Variants in ZNF578 observed in about 807,000 individuals in gnomAD.
ZNF578 encodes Putative chemokine-related protein B42.
ZNF578 carries 8 observed loss-of-function variants against 8.3 expected under a neutral mutation model. The ratio of observed to expected loss-of-function variants is 0.96; its 90% CI spans 0.56 to 1.74. The LOEUF (loss-of-function observed/expected upper bound fraction) is 1.74. Among genes scored for constraint, ZNF578 ranks in the 40% most tolerant of loss-of-function variants. The pLI, the probability that ZNF578 is intolerant of heterozygous loss-of-function variation, is 0.00. For synonymous variants in ZNF578, 206 were observed against 232.2 expected, an observed-to-expected ratio of 0.89 and a Z score of 1.03; for missense variants, 726 against 707.5, an observed-to-expected ratio of 1.03 and a Z score of -0.30.
At chr19:52,468,584 G>A (rs2059282524) in intron 2 of ZNF578, among the ~76,000 whole-genome samples, 1 of 152,202 alleles carries the variant, frequency 6.6e-6, no homozygotes, top group Non-Finnish European at 1.5e-5. Context: ...CAACTTGAGT[G>A]AGTTGAAGGA....
At chr19:52,458,600 C>T (rs2059247014) in intron 2 of ZNF578, 1 of 151,256 alleles carries the variant, frequency 6.6e-6, no homozygotes, top group African/African-American at 2.4e-5. Context: ...ATGCTTTGCT[C>T]AATTTTCTTT....
intron 2 of ZNF578, chr19:52,474,061 A>G (rs982483798): frequency 2.2e-5 from 9 of 410,654 alleles, no homozygotes; most frequent in African/African-American, 1.6e-4. Flanking sequence ...CACATTCATT[A>G]CATTTGTAAG....
At chr19:52,461,235 G>T (rs760813361) in intron 2 of ZNF578, among the ~76,000 whole-genome samples, 6 of 152,114 alleles carry the variant, frequency 3.9e-5, no homozygotes, top group Non-Finnish European at 8.8e-5. Flanking sequence ...ATGTTCAGTA[G>T]CATTATGTGA....
At position 52,510,674 on chromosome 19, in the gene ZNF578, C is replaced by A; in HGVS notation, c.293C>A (p.Thr98Asn). The change falls in exon 6 of 6, where the codon ACT (threonine) becomes AAT (asparagine). Residue 98 changes from threonine (T) to asparagine (N), a missense_variant. Thr to Asn is a moderately conservative substitution (Grantham distance 65). Coordinates refer to ENST00000421239, the MANE Select transcript of ZNF578 (RefSeq NM_001099694.2). Reference protein sequence around the residue: ...GMLQRHESYHTGDFCFQEIEK... With the variant: ...GMLQRHESYHNGDFCFQEIEK... The stretch of plus-strand genomic sequence containing the variant: ...TTGCAAAGACATGAAAGTTATCACA[C>A]TGGAGATTTTTGCTTCCAGGAAATT... The A allele has an allele frequency of 6.2e-7, 1 of 1,613,424 alleles. No homozygotes were observed. The highest frequency in any genetic ancestry group is 2.2e-5 in the East Asian group (1 of 44,874).
At chr19:52,502,350 A>G (rs324748) in intron 4 of ZNF578, among the ~76,000 whole-genome samples, 101,936 of 152,178 alleles carry the variant, frequency 0.67, 36,074 homozygotes, top group African/African-American at 0.91. Flanking sequence ...ACGAATAAGG[A>G]GAGGTATTTT....
At chr19:52,469,807 A>C (rs2059286456) in intron 2 of ZNF578, among the ~76,000 whole-genome samples, 1 of 152,180 alleles carries the variant, frequency 6.6e-6, no homozygotes, top group African/African-American at 2.4e-5. Context: ...CAGATCTAGA[A>C]TATATCATAC....
intron 2 of ZNF578, among the ~76,000 whole-genome samples, chr19:52,462,141 T>C (rs1039554802): frequency 6.6e-6 from 1 of 152,206 alleles, no homozygotes; most frequent in African/African-American, 2.4e-5. Flanking sequence ...CCTTTGACCA[T>C]TGTTGAGATT....
intron 2 of ZNF578, among the ~76,000 whole-genome samples, chr19:52,475,861 CAT>C (rs2059306872): frequency 6.6e-6 from 1 of 152,134 alleles, no homozygotes. Context: ...CGGAATAACT[CAT>C]GTGAGATTTG....
intron 2 of ZNF578, among the ~76,000 whole-genome samples, chr19:52,485,730 A>C (rs1458687014): frequency 6.6e-6 from 1 of 152,218 alleles, no homozygotes; most frequent in Non-Finnish European, 1.5e-5. Flanking sequence ...ATTTAGGGCT[A>C]TGCAGGTTGT....
chr19:52,490,970 A>C (rs1377324110), intron 2 of ZNF578, among the ~76,000 whole-genome samples: 1 of 152,196 alleles, frequency 6.6e-6, no homozygotes, highest in East Asian at 1.9e-4. Context: ...TTCTGTAACT[A>C]TGAAGAATAT....
intron 2 of ZNF578, among the ~76,000 whole-genome samples, chr19:52,471,751 A>G (rs2059292472): frequency 6.6e-6 from 1 of 152,334 alleles, no homozygotes; most frequent in Non-Finnish European, 1.5e-5. Flanking sequence ...CATTATCAAT[A>G]TCCAAACCAA....
At chr19:52,495,969 G>A (rs939181172) in intron 3 of ZNF578, among the ~76,000 whole-genome samples, 12 of 152,028 alleles carry the variant, frequency 7.9e-5, no homozygotes, top group Non-Finnish European at 1.6e-4. Flanking sequence ...TTCTCTTTTT[G>A]TAATTGGTTT....
chr19:52,503,727 A>T (rs999563864), intron 4 of ZNF578, among the ~76,000 whole-genome samples: 8 of 151,668 alleles, frequency 5.3e-5, no homozygotes, highest in Admixed American at 5.2e-4. Context: ...ATCTTAGCTC[A>T]TCTAGAGACT....
At chr19:52,471,533 C>G (rs957336299) in intron 2 of ZNF578, among the ~76,000 whole-genome samples, 111 of 152,004 alleles carry the variant, frequency 7.3e-4, no homozygotes, top group Non-Finnish European at 4.1e-4. Context: ...CTGAGTGCCC[C>G]CTCCTTTTGC....
intron 2 of ZNF578, among the ~76,000 whole-genome samples, chr19:52,490,195 GC>G (rs1429125629): frequency 6.6e-6 from 1 of 151,934 alleles, no homozygotes; most frequent in Non-Finnish European, 1.5e-5. Context: ...ATAACTAAGG[GC>G]AATACATATA....
chr19:52,482,249 GTC>G (rs1344757250), intron 2 of ZNF578, among the ~76,000 whole-genome samples: 1 of 152,110 alleles, frequency 6.6e-6, no homozygotes, highest in Non-Finnish European at 1.5e-5. Context: ...GTCTAGACTG[GTC>G]TCTAATTCCC....
At chr19:52,492,261 C>T (rs1568462258) in intron 3 of ZNF578, among the ~76,000 whole-genome samples, 1 of 151,862 alleles carries the variant, frequency 6.6e-6, no homozygotes, top group Non-Finnish European at 1.5e-5. Flanking sequence ...GTCTGGACCC[C>T]CAGGTTCAGC....
chr19:52,478,126 C>T (rs1227734449), intron 2 of ZNF578, among the ~76,000 whole-genome samples: 1 of 152,184 alleles, frequency 6.6e-6, no homozygotes, highest in African/African-American at 2.4e-5. Context: ...CATTTCTTGC[C>T]AATTTAAATT....
chr19:52,506,409 G>A (rs1209884646), intron 5 of ZNF578, among the ~76,000 whole-genome samples: 3 of 151,310 alleles, frequency 2.0e-5, no homozygotes, highest in East Asian at 1.9e-4. Context: ...TCAGGAGTTC[G>A]AGACCAGCCT....
Sources: allele counts gnomAD v4.1 joint callset (sites outside exome capture counted in the v4.1 genomes callset), GRCh38; gene constraint gnomAD v4.1.1; transcripts MANE v1.5; gene names NCBI Gene and HGNC (gene_info 2026-07-23, HGNC 2026-07-21).